Variants in CADPS2 observed in about 807,000 individuals in gnomAD.
CADPS2 encodes the protein calcium dependent secretion activator 2, also known as calcium-dependent secretion activator 2.
CADPS2 carries 93 observed loss-of-function variants against 172.5 expected under a neutral mutation model. The ratio of observed to expected loss-of-function variants is 0.54; its 90% CI spans 0.46 to 0.64. The LOEUF is 0.64. CADPS2 is among the 30% of genes least tolerant of loss of function. CADPS2 has a pLI of 0.00. For synonymous variants in CADPS2, 546 were observed against 555.2 expected, an observed-to-expected ratio of 0.98 and a Z score of 0.23; for missense variants, 1,420 against 1,565.9, an observed-to-expected ratio of 0.91 and a Z score of 1.57.
At chr7:122,811,785 T>C (rs1192395245) in intron 1 of CADPS2, among the ~76,000 whole-genome samples, 1 of 152,176 alleles carries the variant, frequency 6.6e-6, no homozygotes, top group African/African-American at 2.4e-5. Flanking sequence ...AACATATTTC[T>C]TTGATATCCT....
rs1365467999 is a variant in CADPS2, at chr7:122,645,502, GTATATATATACTTATA to G, written c.787-16190_787-16175del. On this transcript the variant is annotated intron_variant, in intron 3 of 29. Transcript: ENST00000449022. ...ATATATTTAGCGTATATATATATAA[GTATATATATACTTATA>G]TATATATAAGTATATATATATACTT... is the stretch of plus-strand genomic sequence containing the variant. Among the ~76,000 whole-genome samples, 12 of 101,770 alleles carry G rather than the reference GTATATATATACTTATA, an allele frequency of 1.2e-4. 1 individual carries two copies. The Admixed American group carries it at 1.3e-3, about 11-fold the overall frequency. The allele number at this position is 101,770 out of a possible 152,430, so 66.8% of individuals were successfully genotyped here.
intron 22 of CADPS2, among the ~76,000 whole-genome samples, chr7:122,390,432 G>A (rs1204236359): frequency 6.6e-6 from 1 of 152,068 alleles, no homozygotes; most frequent in Non-Finnish European, 1.5e-5. Flanking sequence ...TGGCAAAGAA[G>A]CAAATCTGCT....
At chr7:122,561,002 T>C (rs1023574950) in intron 7 of CADPS2, among the ~76,000 whole-genome samples, 2 of 152,170 alleles carry the variant, frequency 1.3e-5, no homozygotes, top group Non-Finnish European at 2.9e-5. Flanking sequence ...TATTATTCCT[T>C]AGTAACAGTT....
chr7:122,649,063 C>G (rs1383223968), intron 3 of CADPS2, among the ~76,000 whole-genome samples: 1 of 151,624 alleles, frequency 6.6e-6, no homozygotes, highest in Admixed American at 6.6e-5. Flanking sequence ...TGCTTATACC[C>G]CAACAGTGTT....
chr7:122,731,502 A>G (rs902792851), intron 2 of CADPS2, among the ~76,000 whole-genome samples: 1 of 151,782 alleles, frequency 6.6e-6, no homozygotes, highest in Non-Finnish European at 1.5e-5. Context: ...ACAAATTGCA[A>G]TCAACCTATG....
intron 1 of CADPS2, among the ~76,000 whole-genome samples, chr7:122,744,733 A>T (rs534964791): frequency 6.6e-6 from 1 of 152,274 alleles, no homozygotes; most frequent in East Asian, 1.9e-4. Flanking sequence ...TGCATGGTGG[A>T]CAAATGGACC....
At chr7:122,868,032 TG>T (rs1818752181) in intron 1 of CADPS2, among the ~76,000 whole-genome samples, 1 of 152,054 alleles carries the variant, frequency 6.6e-6, no homozygotes, top group Non-Finnish European at 1.5e-5. Context: ...GACTTCTGCT[TG>T]CCTTAATGCC....
At chr7:122,672,510 C>A (rs1379063505) in intron 2 of CADPS2, among the ~76,000 whole-genome samples, 6 of 152,310 alleles carry the variant, frequency 3.9e-5, no homozygotes, top group African/African-American at 9.6e-5. Context: ...CACCTAGTAC[C>A]CTCTCCAATA....
chr7:122,784,716 A>T (rs564397522), intron 1 of CADPS2, among the ~76,000 whole-genome samples: 62 of 149,286 alleles, frequency 4.2e-4, no homozygotes, highest in African/African-American at 1.4e-3. Flanking sequence ...TAACTTTAGT[A>T]TTTTTTTTTT....
chr7:122,542,042 C>A (rs577043509), intron 8 of CADPS2, among the ~76,000 whole-genome samples: 16 of 151,620 alleles, frequency 1.1e-4, no homozygotes, highest in African/African-American at 3.9e-4. Flanking sequence ...GTAATGATAA[C>A]AGCTAAAATG....
rs2044676290 is a variant in CADPS2 at position 122,393,558 on chromosome 7, T to C, written c.2771A>G (p.His924Arg). The C allele has an allele frequency of 6.2e-7, 1 of 1,613,690 alleles. No homozygotes were observed. Among genetic ancestry groups the C allele is most frequent in the Admixed American group, 1.7e-5 (1 of 59,988 alleles). The part of the protein sequence containing the change: ...NDTLLCNGKF[H>R]KHLQEIFVPL... Reference sequence around the variant, plus strand: ...TACAAAGATTTCTTGCAAGTGTTTGTGAAATTTTCCATTACACAAAAGTGC... The same window carrying C: ...TACAAAGATTTCTTGCAAGTGTTTGCGAAATTTTCCATTACACAAAAGTGC... Residue 924 changes from histidine to arginine, a missense_variant, in exon 21 of 30, where the codon CAC becomes CGC. Physicochemically the swap from His to Arg is conservative, Grantham distance 29. Coordinates refer to ENST00000449022, the MANE Select transcript of CADPS2 (RefSeq NM_017954.11).
intron 1 of CADPS2, among the ~76,000 whole-genome samples, chr7:122,835,684 G>A (rs1319207900): frequency 5.9e-5 from 9 of 152,198 alleles, no homozygotes; most frequent in East Asian, 1.9e-4. Context: ...AAGGGTATCA[G>A]TGATGGAAGA....
chr7:122,676,499 C>T lies in CADPS2; in HGVS notation c.454-12930G>A, dbSNP rs2082395394. On this transcript the variant is annotated intron_variant, in intron 2 of 29. Coordinates refer to ENST00000449022, the MANE Select transcript of CADPS2 (RefSeq NM_017954.11). ...TTTTATATACCAGGCTGTATCTCGACTGCTCACTACATTGCAATACAATAA... is the reference window on the plus strand; with the variant it reads ...TTTTATATACCAGGCTGTATCTCGATTGCTCACTACATTGCAATACAATAA... 9.5e-6 allele frequency: 4 copies of T among 419,466 alleles called. No homozygotes were observed. The East Asian group carries it at 1.4e-4, about 15-fold the overall frequency. 26.0% of individuals were successfully genotyped at this position (419,466 alleles called of 1,614,324 possible).
chr7:122,439,142 T>C (rs2051030366), intron 16 of CADPS2, among the ~76,000 whole-genome samples: 1 of 152,128 alleles, frequency 6.6e-6, no homozygotes, highest in African/African-American at 2.4e-5. Context: ...CTAAAATGTG[T>C]TTTTGGACTT....
At chr7:122,327,518 C>G in intron 28 of CADPS2, among the ~76,000 whole-genome samples, 1 of 152,076 alleles carries the variant, frequency 6.6e-6, no homozygotes, top group East Asian at 1.9e-4. Flanking sequence ...TTAGACTGCA[C>G]AGTTACTGTA....
chr7:122,591,685 C>G (rs1272167568), intron 6 of CADPS2, among the ~76,000 whole-genome samples: 1 of 151,778 alleles, frequency 6.6e-6, no homozygotes, highest in Non-Finnish European at 1.5e-5. Flanking sequence ...TAATACCACA[C>G]ATCTACAACC....
In CADPS2 at chr7:122,852,115, T is replaced by C. The variant is rs720941; in HGVS notation, c.339+33884A>G. On this transcript the variant is annotated intron_variant, in intron 1 of 29. Coordinates refer to ENST00000449022, the MANE Select transcript of CADPS2 (RefSeq NM_017954.11). ...TGAAAAAGTTTTTTTCTATTAAAAA[T>C]GAAGTTAAACATTTTGGAAAGACTC... Among the ~76,000 whole-genome samples the C allele has an allele frequency of 3.2e-3, 480 of 152,306 alleles. 2 individuals carry two copies. Among genetic ancestry groups the C allele is most frequent in the South Asian group, 0.028 (134 of 4,830 alleles).
At chr7:122,669,093 G>T (rs1485731589) in intron 2 of CADPS2, among the ~76,000 whole-genome samples, 1 of 152,110 alleles carries the variant, frequency 6.6e-6, no homozygotes, top group East Asian at 1.9e-4. Context: ...CACTTTGGGA[G>T]GCCAAGGTAA....
intron 1 of CADPS2, among the ~76,000 whole-genome samples, chr7:122,785,028 T>G (rs1793685431): frequency 6.6e-6 from 1 of 152,214 alleles, no homozygotes. Context: ...AATCATATTT[T>G]CATATTTATG....
Sources: allele counts gnomAD v4.1 joint callset (sites outside exome capture counted in the v4.1 genomes callset), GRCh38; gene constraint gnomAD v4.1.1; transcripts MANE v1.5; gene names NCBI Gene and HGNC (gene_info 2026-07-23, HGNC 2026-07-21).